DCDC1: variants seen among roughly 807,000 people sequenced by gnomAD.
DCDC1 encodes doublecortin domain-containing protein 1.
Under a neutral mutation model 178.3 loss-of-function variants are expected in DCDC1, and 200 were observed. The ratio of observed to expected loss-of-function variants is 1.12; its 90% CI spans 1.00 to 1.26. The LOEUF is 1.26. DCDC1 is among the 50% of genes most tolerant of loss of function. The pLI, the probability that DCDC1 is intolerant of heterozygous loss-of-function variation, is 0.00. For synonymous variants in DCDC1, 690 were observed against 604.8 expected (o/e 1.14, Z -2.07); for missense variants, 1,983 against 1,749.2 (o/e 1.13, Z -2.38).
At chr11:30,927,676 G>T (rs535243976) in intron 22 of DCDC1, among the ~76,000 whole-genome samples, 31 of 152,054 alleles carry the variant, frequency 2.0e-4, no homozygotes, top group Non-Finnish European at 4.3e-4. Context: ...AACAACAAAA[G>T]TTCTGTATCT....
At chr11:31,211,138 C>T (rs1972483639) in intron 9 of DCDC1, among the ~76,000 whole-genome samples, 1 of 152,166 alleles carries the variant, frequency 6.6e-6, no homozygotes, top group African/African-American at 2.4e-5. Context: ...ACTTCATGAG[C>T]ATATTCAAGA....
intron 12 of DCDC1, among the ~76,000 whole-genome samples, chr11:31,109,954 A>G (rs1959096281): frequency 2.0e-5 from 3 of 152,244 alleles, no homozygotes; most frequent in African/African-American, 4.8e-5. Context: ...TCCACTGAAT[A>G]TATCACTTTT....
intron 22 of DCDC1, among the ~76,000 whole-genome samples, chr11:30,929,400 G>A (rs780516876): frequency 2.0e-5 from 3 of 152,098 alleles, no homozygotes; most frequent in Non-Finnish European, 2.9e-5. Flanking sequence ...CAACTAACTC[G>A]AGAGGAGAGA....
chr11:31,019,676 T>A (rs1419398593), intron 20 of DCDC1, among the ~76,000 whole-genome samples: 1 of 152,196 alleles, frequency 6.6e-6, no homozygotes, highest in Non-Finnish European at 1.5e-5. Context: ...TTTAAATTCT[T>A]CACTGTCTTC....
rs1279960872 is a variant in DCDC1, at chr11:30,909,028, G to A, written c.3836C>T (p.Ala1279Val). 1 of 1,612,276 alleles carries A rather than the reference G, an allele frequency of 6.2e-7. No individual in the cohort carries two copies. Among genetic ancestry groups the A allele is most frequent in the Non-Finnish European group, 8.5e-7 (1 of 1,178,936 alleles). ...TGCTGATGTAATTTCCTTATCCAAG[G>A]CAGTGCTATGAAAGGCCACAAGTGC... ...IKALVAFHSTALDKEITSANY... is the reference protein window; with the variant it reads ...IKALVAFHSTVLDKEITSANY... The change falls in exon 29 of 39, where the codon GCC becomes GTC. Residue 1279 changes from alanine to valine, a missense_variant. Transcript: ENST00000684477.
intron 18 of DCDC1, among the ~76,000 whole-genome samples, chr11:31,069,470 T>C (rs1956432195): frequency 6.6e-6 from 1 of 152,184 alleles, no homozygotes; most frequent in South Asian, 2.1e-4. Flanking sequence ...AGAAGCAGAT[T>C]ATTTCATATT....
chr11:30,940,637 T>C (rs1404292788), intron 21 of DCDC1, among the ~76,000 whole-genome samples: 1 of 152,148 alleles, frequency 6.6e-6, no homozygotes, highest in Non-Finnish European at 1.5e-5. Context: ...ATATTATTAT[T>C]TTTTATCTTA....
chr11:31,282,756 C>T (rs1423329146), intron 7 of DCDC1, among the ~76,000 whole-genome samples: 1 of 152,038 alleles, frequency 6.6e-6, no homozygotes, highest in African/African-American at 2.4e-5. Flanking sequence ...GTCTGCTGGA[C>T]ACATGTGCTT....
intron 11 of DCDC1, among the ~76,000 whole-genome samples, chr11:31,126,978 T>C (rs187810008): frequency 1.3e-5 from 2 of 152,284 alleles, no homozygotes; most frequent in African/African-American, 4.8e-5. Context: ...AGTATTGATT[T>C]TACCAAGTGA....
chr11:30,917,658 G>A (rs1167032241), intron 25 of DCDC1, among the ~76,000 whole-genome samples: 2 of 152,302 alleles, frequency 1.3e-5, no homozygotes, highest in East Asian at 3.9e-4. Context: ...CCGCCATATA[G>A]ATCTGTATAT....
At chr11:31,046,025 T>A (rs1954815483) in intron 20 of DCDC1, among the ~76,000 whole-genome samples, 1 of 152,208 alleles carries the variant, frequency 6.6e-6, no homozygotes, top group South Asian at 2.1e-4. Flanking sequence ...TGTTTGCATG[T>A]GTGTGTAGCT....
chr11:30,994,529 T>TTA (rs35280751), intron 20 of DCDC1, among the ~76,000 whole-genome samples: 67,392 of 144,974 alleles, frequency 0.46, 16,778 homozygotes, highest in Middle Eastern at 0.61. Flanking sequence ...TGACCTCAAG[T>TTA]TATATATATA....
chr11:31,305,523 GCAAAAAAGA>G, intron 6 of DCDC1, 83 bp downstream of exon 6: 1 of 1,479,490 alleles, frequency 6.8e-7, no homozygotes, highest in South Asian at 1.3e-5. Context: ...GTTAAACCAT[GCAAAAAAGA>G]CAGGATGAAA....
At chr11:31,246,441 C>G (rs907339280) in intron 8 of DCDC1, among the ~76,000 whole-genome samples, 1 of 151,708 alleles carries the variant, frequency 6.6e-6, no homozygotes, top group Non-Finnish European at 1.5e-5. Context: ...TTGGGAATTT[C>G]CCACCAATTC....
chr11:31,199,209 T>TAA (rs936964660), intron 9 of DCDC1, among the ~76,000 whole-genome samples: 20 of 152,084 alleles, frequency 1.3e-4, no homozygotes, highest in African/African-American at 4.8e-4. Flanking sequence ...CTGTGAGATA[T>TAA]AAACTCCCTG....
chr11:31,256,511 T>C (rs1220562320), intron 8 of DCDC1, among the ~76,000 whole-genome samples: 3 of 152,180 alleles, frequency 2.0e-5, no homozygotes, highest in Non-Finnish European at 4.4e-5. Context: ...ACAGAAGTGC[T>C]GTTGGAGAGC....
intron 13 of DCDC1, among the ~76,000 whole-genome samples, chr11:31,105,141 A>T (rs139890949): frequency 1.3e-5 from 2 of 152,062 alleles, no homozygotes; most frequent in African/African-American, 4.8e-5. Context: ...AAACATTCCT[A>T]TGGTAGCAAA....
intron 35 of DCDC1, among the ~76,000 whole-genome samples, chr11:30,894,018 G>A (rs191632653): frequency 6.6e-6 from 1 of 152,182 alleles, no homozygotes; most frequent in Admixed American, 6.5e-5. Context: ...CTTTGCTAAG[G>A]TCATAATTTC....
chr11:31,170,537 A>G (rs539843011), intron 9 of DCDC1, among the ~76,000 whole-genome samples: 15 of 152,348 alleles, frequency 9.8e-5, no homozygotes, highest in Non-Finnish European at 1.8e-4. Context: ...CAAAACCTAC[A>G]TCTTATTTTT....
Sources: gnomAD v4.1 joint callset for allele counts (sites outside exome capture counted in the v4.1 genomes callset) on GRCh38, gnomAD v4.1.1 for gene constraint, MANE v1.5 for transcripts, NCBI Gene and HGNC (gene_info 2026-07-23, HGNC 2026-07-21) for gene names.